The following CNTNAP2 variants were observed in gnomAD, a reference collection of about 807,000 sequenced individuals.
The protein encoded by CNTNAP2 is contactin-associated protein-like 2.
Under a neutral mutation model 155.2 loss-of-function variants are expected in CNTNAP2, and 98 were observed. That is an observed-to-expected ratio of 0.63 (90% confidence interval 0.54 to 0.75). The LOEUF is 0.75. Ranked by LOEUF, CNTNAP2 falls within the 30% of genes least tolerant of loss-of-function variation. The probability of loss-of-function intolerance (pLI) is 0.00; values close to 1 mark genes in which losing one functional copy is unlikely to be tolerated. For missense variants in CNTNAP2, 1,727 were observed against 1,688.1 expected, an observed-to-expected ratio of 1.02 and a Z score of -0.40; for synonymous variants, 651 against 631.2, an observed-to-expected ratio of 1.03 and a Z score of -0.47.
chr7:146,386,302 A>G (rs1339560312), intron 1 of CNTNAP2, among the ~76,000 whole-genome samples: 4 of 152,170 alleles, frequency 2.6e-5, no homozygotes, highest in African/African-American at 7.2e-5. Context: ...CAATGCTCAC[A>G]TTATTTTGGG....
chr7:147,923,333 A>G (rs541860996), intron 14 of CNTNAP2, among the ~76,000 whole-genome samples: 1 of 152,226 alleles, frequency 6.6e-6, no homozygotes, highest in South Asian at 2.1e-4. Context: ...ACAGACACAC[A>G]TGGAGAGGAG....
rs1370352098 is a variant in CNTNAP2, at chr7:148,419,614, T to TG, written c.*3998_*3999insG. The TG allele has an allele frequency of 6.6e-5, 10 of 151,488 alleles. No individual in the cohort carries two copies. In the East Asian group the frequency reaches 1.9e-3, roughly 29 times the overall value. The allele number at this position is 151,488 out of a possible 1,614,324, so 9.4% of individuals were successfully genotyped here. A position where few individuals can be genotyped will look rare whatever the true frequency, so the allele number is the denominator to read the frequency against. On this transcript the variant is annotated 3_prime_UTR_variant, in exon 24 of 24. Coordinates refer to ENST00000361727, the MANE Select transcript of CNTNAP2 (RefSeq NM_014141.6). ...ACACCCAGCTAATTTTTTTTTTTTT[T>TG]TGTATTATTAGTAGAAGCCAGGTTT... is the stretch of plus-strand genomic sequence containing the variant.
intron 3 of CNTNAP2, among the ~76,000 whole-genome samples, chr7:146,852,468 A>G (rs543450141): frequency 1.9e-4 from 29 of 152,096 alleles, no homozygotes; most frequent in Non-Finnish European, 3.8e-4. Flanking sequence ...TTAAGAATCA[A>G]TCTCCCACCC....
At chr7:146,780,807 T>C (rs769632528) in intron 2 of CNTNAP2, among the ~76,000 whole-genome samples, 30 of 152,090 alleles carry the variant, frequency 2.0e-4, no homozygotes, top group South Asian at 6.2e-4. Context: ...CACTTATAAA[T>C]GGGAGCTGAA....
intron 3 of CNTNAP2, among the ~76,000 whole-genome samples, chr7:146,957,883 T>C (rs1416981898): frequency 6.6e-6 from 1 of 152,212 alleles, no homozygotes; most frequent in Non-Finnish European, 1.5e-5. Flanking sequence ...CATGGACTTA[T>C]CAAGAATGAT....
chr7:147,388,700 T>A (rs1584918272), intron 9 of CNTNAP2, among the ~76,000 whole-genome samples: 1 of 151,814 alleles, frequency 6.6e-6, no homozygotes, highest in Non-Finnish European at 1.5e-5. Context: ...CCTGCCTCAG[T>A]CTCCCAAGTA....
chr7:147,331,418 C>T (rs779905817), intron 9 of CNTNAP2, among the ~76,000 whole-genome samples: 16 of 151,924 alleles, frequency 1.1e-4, no homozygotes, highest in Non-Finnish European at 2.1e-4. Context: ...ATGTAAACAC[C>T]TTGTATATAA....
chr7:147,900,429 G>A (rs1178418277), intron 13 of CNTNAP2, among the ~76,000 whole-genome samples: 3 of 152,046 alleles, frequency 2.0e-5, no homozygotes, highest in African/African-American at 7.3e-5. Flanking sequence ...CTGCCCCCAT[G>A]AGAAGACGTG....
At chr7:147,824,419 G>C (rs945537331) in intron 13 of CNTNAP2, among the ~76,000 whole-genome samples, 1 of 152,112 alleles carries the variant, frequency 6.6e-6, no homozygotes, top group African/African-American at 2.4e-5. Context: ...AGTTGTGTAT[G>C]AATGTATGGA....
chr7:147,379,068 T>C (rs1796489923), intron 9 of CNTNAP2, among the ~76,000 whole-genome samples: 3 of 152,018 alleles, frequency 2.0e-5, no homozygotes, highest in African/African-American at 7.2e-5. Context: ...TCTGTACTTC[T>C]TGCTGCCTCC....
chr7:147,578,737 G>A (rs1307564624), intron 12 of CNTNAP2, among the ~76,000 whole-genome samples: 1 of 151,980 alleles, frequency 6.6e-6, no homozygotes, highest in African/African-American at 2.4e-5. Context: ...ATATAAGCAT[G>A]TCAATATCAA....
intron 4 of CNTNAP2, among the ~76,000 whole-genome samples, chr7:147,091,548 T>C (rs905403385): frequency 2.0e-4 from 30 of 151,842 alleles, no homozygotes; most frequent in Non-Finnish European, 8.8e-5. Context: ...GCCTACGGGG[T>C]TCAAAAGATT....
At chr7:147,123,117 C>T (rs1266075286) in intron 6 of CNTNAP2, among the ~76,000 whole-genome samples, 1 of 151,864 alleles carries the variant, frequency 6.6e-6, no homozygotes, top group Non-Finnish European at 1.5e-5. Flanking sequence ...TTTTATCCCT[C>T]CCCCTAAAAA....
chr7:147,071,927 C>T (rs1378721099), intron 4 of CNTNAP2, among the ~76,000 whole-genome samples: 2 of 152,076 alleles, frequency 1.3e-5, no homozygotes, highest in Admixed American at 6.5e-5. Flanking sequence ...GCTGGATATG[C>T]CCAGGGTATC....
intron 3 of CNTNAP2, among the ~76,000 whole-genome samples, chr7:147,042,895 G>A (rs962279016): frequency 5.9e-5 from 9 of 151,848 alleles, no homozygotes; most frequent in Non-Finnish European, 8.8e-5. Flanking sequence ...TAAATAAATC[G>A]AAAAGAGAAT....
At chr7:146,537,120 C>A (rs1430363212) in intron 1 of CNTNAP2, among the ~76,000 whole-genome samples, 2 of 151,962 alleles carry the variant, frequency 1.3e-5, no homozygotes, top group Non-Finnish European at 2.9e-5. Flanking sequence ...AACAATGATA[C>A]AGTAGTAAGT....
chr7:146,436,039 A>G (rs1042440348), intron 1 of CNTNAP2, among the ~76,000 whole-genome samples: 4 of 152,160 alleles, frequency 2.6e-5, no homozygotes, highest in African/African-American at 9.7e-5. Flanking sequence ...TTTCCCTATA[A>G]TGCCGATGAG....
chr7:147,417,862 C>A (rs1299597394), intron 10 of CNTNAP2, among the ~76,000 whole-genome samples: 2 of 152,166 alleles, frequency 1.3e-5, no homozygotes, highest in African/African-American at 4.8e-5. Context: ...TAATTAAAAT[C>A]TAGAGAAAGT....
At chr7:147,632,075 A>G (rs1795095775) in intron 12 of CNTNAP2, among the ~76,000 whole-genome samples, 1 of 152,212 alleles carries the variant, frequency 6.6e-6, no homozygotes, top group Admixed American at 6.5e-5. Context: ...TTTGCACACT[A>G]TGTAGGTGAC....
Sources: allele counts gnomAD v4.1 joint callset (sites outside exome capture counted in the v4.1 genomes callset), GRCh38; gene constraint gnomAD v4.1.1; transcripts MANE v1.5; gene names NCBI Gene and HGNC (gene_info 2026-07-23, HGNC 2026-07-21).